The following STK32B variants were observed in gnomAD, a reference collection of about 807,000 sequenced individuals.
STK32B encodes the protein serine/threonine kinase 32B.
A neutral mutation model predicts 52.6 loss-of-function variants in STK32B; 43 were observed. That is an observed-to-expected ratio of 0.82 (90% confidence interval 0.64 to 1.05). STK32B has a LOEUF of 1.05. Among genes scored for constraint, STK32B ranks in the 50% least tolerant of loss-of-function variants. The probability of loss-of-function intolerance (pLI) is 0.00; values close to 1 mark genes in which losing one functional copy is unlikely to be tolerated. For synonymous variants in STK32B, 238 were observed against 204.3 expected (o/e 1.17, Z -1.41); for missense variants, 621 against 534.6 (o/e 1.16, Z -1.59).
chr4:5,316,374 T>G (rs1306473944), intron 3 of STK32B, among the ~76,000 whole-genome samples: 1 of 38,754 alleles, frequency 2.6e-5, no homozygotes, highest in Non-Finnish European at 3.6e-5. Context: ...ATTATATATA[T>G]TAATTATATA....
At chr4:5,125,978 G>T (rs965973843) in intron 1 of STK32B, among the ~76,000 whole-genome samples, 3 of 152,090 alleles carry the variant, frequency 2.0e-5, no homozygotes, top group Admixed American at 6.5e-5. Flanking sequence ...GCCTGTGATT[G>T]TCCAGTTGCC....
At chr4:5,483,901 A>G (rs1038608295) in intron 11 of STK32B, among the ~76,000 whole-genome samples, 1 of 152,034 alleles carries the variant, frequency 6.6e-6, no homozygotes, top group Non-Finnish European at 1.5e-5. Context: ...AGCGGTTTTG[A>G]GTGAGTTTCT....
chr4:5,441,579 A>G (rs1714761430), intron 6 of STK32B, among the ~76,000 whole-genome samples: 2 of 151,400 alleles, frequency 1.3e-5, no homozygotes, highest in Admixed American at 6.6e-5. Flanking sequence ...AATTTTTTGA[A>G]GGGTTTTTTG....
intron 3 of STK32B, among the ~76,000 whole-genome samples, chr4:5,298,314 T>G (rs1370925750): frequency 6.6e-6 from 1 of 152,180 alleles, no homozygotes; most frequent in Non-Finnish European, 1.5e-5. Flanking sequence ...TCAAGCACTG[T>G]GCTGGAAGAT....
chr4:5,416,437 C>G (rs960636791), intron 5 of STK32B, among the ~76,000 whole-genome samples: 3 of 152,116 alleles, frequency 2.0e-5, no homozygotes, highest in African/African-American at 7.2e-5. Context: ...AGCGGACAAA[C>G]AGCAGAACAA....
intron 3 of STK32B, among the ~76,000 whole-genome samples, chr4:5,238,793 C>A (rs1448182205): frequency 6.6e-6 from 1 of 152,190 alleles, no homozygotes; most frequent in Non-Finnish European, 1.5e-5. Flanking sequence ...TTCTCAGAGT[C>A]CACTGCGTGT....
intron 2 of STK32B, among the ~76,000 whole-genome samples, chr4:5,153,152 T>C (rs1054378190): frequency 6.6e-6 from 1 of 152,186 alleles, no homozygotes; most frequent in Non-Finnish European, 1.5e-5. Flanking sequence ...GCACATCTGC[T>C]GGAAACAAGT....
Position 5,365,122 on chromosome 4 carries a change from C to T in STK32B, c.435-33085C>T, listed in dbSNP as rs147414933. ...AACTCCTGACCTCAGGTGATCCACC[C>T]ACCTCGGCCCCCCCAAAGTGCTGGG... On this transcript the variant is annotated intron_variant, in intron 4 of 11. Coordinates refer to ENST00000282908, the MANE Select transcript of STK32B (RefSeq NM_018401.3). Among the ~76,000 whole-genome samples the T allele has an allele frequency of 4.5e-3, 683 of 152,258 alleles. 4 individuals carry two copies. The highest frequency in any genetic ancestry group is 0.015 in the African/African-American group (622 of 41,554).
At chr4:5,327,096 C>T (rs1731928195) in intron 3 of STK32B, among the ~76,000 whole-genome samples, 1 of 152,032 alleles carries the variant, frequency 6.6e-6, no homozygotes, top group South Asian at 2.1e-4. Context: ...CATCTCTTAA[C>T]GTTTTATCGT....
rs930420641 is a variant in STK32B at position 5,386,802 on chromosome 4, C to A, written c.435-11405C>A. On this transcript the variant is annotated intron_variant, in intron 4 of 11. Coordinates refer to ENST00000282908, the MANE Select transcript of STK32B (RefSeq NM_018401.3). This position sits in a 1 kb window ranked among gnomAD's most constrained non-coding sequence, Gnocchi z 4.5. ...TGGCTGGACCCTCCATTGGGTCCAACTCTCGGATTCCAATAGAAGTCACGT... is the reference window on the plus strand; with the variant it reads ...TGGCTGGACCCTCCATTGGGTCCAAATCTCGGATTCCAATAGAAGTCACGT... Among the ~76,000 whole-genome samples the A allele has an allele frequency of 6.6e-6, 1 of 152,226 alleles. No homozygotes were observed. The highest frequency in any genetic ancestry group is 2.4e-5 in the African/African-American group (1 of 41,464).
rs546248747 is a variant in STK32B at position 5,399,403 on chromosome 4, A to G, written c.472+1159A>G. ...GCATAGCTTGGGGCATCCTAACCTC[A>G]TAGTGTGCATCCCTATGTACAGGAG... On this transcript the variant is annotated intron_variant, in intron 5 of 11. Coordinates refer to ENST00000282908, the MANE Select transcript of STK32B (RefSeq NM_018401.3). The surrounding 1 kb of genome is among the most constrained non-coding windows in gnomAD (Gnocchi z 5.4). Among the ~76,000 whole-genome samples the G allele has an allele frequency of 6.6e-6, 1 of 152,212 alleles. No homozygotes were observed. Among genetic ancestry groups the G allele is most frequent in the Admixed American group, 6.5e-5 (1 of 15,298 alleles).
chr4:5,427,183 T>C (rs1233879481), intron 6 of STK32B, among the ~76,000 whole-genome samples: 1 of 152,222 alleles, frequency 6.6e-6, no homozygotes, highest in Non-Finnish European at 1.5e-5. Flanking sequence ...TATAGTCTGT[T>C]GAAATACTGC....
chr4:5,106,337 C>G (rs1714106568), intron 1 of STK32B, among the ~76,000 whole-genome samples: 1 of 152,180 alleles, frequency 6.6e-6, no homozygotes, highest in South Asian at 2.1e-4. Context: ...AGAGGACATC[C>G]TTGTCTTGTT....
At chr4:5,150,655 G>T (rs115061794) in intron 2 of STK32B, among the ~76,000 whole-genome samples, 4 of 152,010 alleles carry the variant, frequency 2.6e-5, no homozygotes, top group African/African-American at 9.6e-5. Flanking sequence ...TTGGTCAGAG[G>T]TTATTTACCA....
intron 1 of STK32B, among the ~76,000 whole-genome samples, chr4:5,066,534 C>T (rs1361446806): frequency 7.9e-5 from 12 of 152,202 alleles, no homozygotes; most frequent in Admixed American, 7.9e-4. Flanking sequence ...GTAATACATC[C>T]TTCAGAACCC....
chr4:5,348,202 G>A (rs1218184544), intron 4 of STK32B, among the ~76,000 whole-genome samples: 7 of 152,178 alleles, frequency 4.6e-5, no homozygotes, highest in Admixed American at 4.6e-4. Context: ...GATTCCTACA[G>A]TCCTAGCCAT....
chr4:5,088,704 A>G (rs1200475525), intron 1 of STK32B, among the ~76,000 whole-genome samples: 3 of 152,018 alleles, frequency 2.0e-5, no homozygotes, highest in Admixed American at 6.6e-5. Context: ...GCCTGTATCA[A>G]GACATCTCAT....
intron 1 of STK32B, among the ~76,000 whole-genome samples, chr4:5,083,898 G>T (rs1192301927): frequency 6.6e-6 from 1 of 152,042 alleles, no homozygotes; most frequent in Non-Finnish European, 1.5e-5. Context: ...ACCACATCTG[G>T]CTAATTTTTG....
intron 3 of STK32B, among the ~76,000 whole-genome samples, chr4:5,192,823 C>G (rs927743564): frequency 6.6e-6 from 1 of 152,168 alleles, no homozygotes; most frequent in African/African-American, 2.4e-5. Context: ...AGCCCAGGGC[C>G]GCCGCCTCCT....
Sources: gnomAD v4.1 joint callset for allele counts (sites outside exome capture counted in the v4.1 genomes callset) on GRCh38, gnomAD v4.1.1 for gene constraint, Gnocchi (gnomAD v3.1) non-coding constraint, MANE v1.5 for transcripts, NCBI Gene and HGNC (gene_info 2026-07-23, HGNC 2026-07-21) for gene names.